IQCM: variants seen among roughly 807,000 people sequenced by gnomAD.
IQCM encodes the protein IQ motif containing M.
A neutral mutation model predicts 57.6 loss-of-function variants in IQCM; 45 were observed. The observed-to-expected ratio is 0.78, with a 90% confidence interval of 0.62 to 1.00. IQCM has a LOEUF of 1.00. Ranked by LOEUF, IQCM falls within the 50% of genes least tolerant of loss-of-function variation. The pLI, the probability that IQCM is intolerant of heterozygous loss-of-function variation, is 0.00. For missense variants in IQCM, 468 were observed against 511.6 expected, an observed-to-expected ratio of 0.91 and a Z score of 0.82; for synonymous variants, 148 against 158.9, an observed-to-expected ratio of 0.93 and a Z score of 0.51.
chr4:149,702,330 A>ACC (rs1002720141), intron 5 of IQCM, among the ~76,000 whole-genome samples: 13 of 149,922 alleles, frequency 8.7e-5, no homozygotes, highest in Non-Finnish European at 1.6e-4. Context: ...ACACACACAC[A>ACC]CCCATAGCAC....
At chr4:149,645,981 T>A (rs1052564582) in intron 7 of IQCM, among the ~76,000 whole-genome samples, 1 of 152,172 alleles carries the variant, frequency 6.6e-6, no homozygotes, top group African/African-American at 2.4e-5. Flanking sequence ...CCCAGAGGAA[T>A]ACTTCCTGCT....
chr4:149,371,512 T>C (rs1730367442), intron 13 of IQCM, among the ~76,000 whole-genome samples: 1 of 152,168 alleles, frequency 6.6e-6, no homozygotes, highest in South Asian at 2.1e-4. Context: ...AGAGTATCTA[T>C]CTTTCCAAGC....
intron 12 of IQCM, among the ~76,000 whole-genome samples, chr4:149,512,211 C>T (rs1400252520): frequency 6.6e-6 from 1 of 152,102 alleles, no homozygotes; most frequent in Admixed American, 6.5e-5. Flanking sequence ...TACTCTTATT[C>T]CATTGATCAG....
At chr4:149,750,372 G>A (rs527373053) in intron 2 of IQCM, among the ~76,000 whole-genome samples, 9 of 152,252 alleles carry the variant, frequency 5.9e-5, no homozygotes, top group East Asian at 3.9e-4. Context: ...ATAGAGTGAC[G>A]CTTTCCTTGA....
At chr4:149,402,495 G>T (rs1732686607) in intron 13 of IQCM, among the ~76,000 whole-genome samples, 1 of 151,918 alleles carries the variant, frequency 6.6e-6, no homozygotes, top group East Asian at 1.9e-4. Flanking sequence ...TCTAGGCCAT[G>T]ATCAATTATT....
At position 149,670,262 on chromosome 4, in the gene IQCM, G is replaced by A. The variant is rs182923167; in HGVS notation, c.565+11856C>T. On this transcript the variant is annotated intron_variant, in intron 7 of 13. Coordinates refer to ENST00000636793, the MANE Select transcript of IQCM (RefSeq NM_001363507.2). ...CAATTGTGAATGGGAATTCACTCAC[G>A]ATTTGGCTCTCTGTTTGTCTGTTAC... Among the ~76,000 whole-genome samples the A allele has an allele frequency of 3.7e-4, 57 of 152,198 alleles. No individual in the cohort carries two copies. The East Asian group carries it at 7.0e-3, about 19-fold the overall frequency.
At chr4:149,523,161 C>T (rs911792957) in intron 12 of IQCM, among the ~76,000 whole-genome samples, 2 of 152,086 alleles carry the variant, frequency 1.3e-5, no homozygotes, top group African/African-American at 4.8e-5. Flanking sequence ...GAAGCAAGCG[C>T]TCTCCTGTCT....
At chr4:149,599,076 T>C (rs1754033554) in intron 8 of IQCM, among the ~76,000 whole-genome samples, 3 of 152,166 alleles carry the variant, frequency 2.0e-5, no homozygotes. Context: ...GTGCTTGCCC[T>C]AGAGAAACTG....
intron 2 of IQCM, among the ~76,000 whole-genome samples, chr4:149,753,797 A>G (rs1768698496): frequency 7.9e-6 from 1 of 126,584 alleles, no homozygotes; most frequent in South Asian, 2.9e-4. Flanking sequence ...AAAGATTCCA[A>G]CATGTGTATA....
intron 5 of IQCM, among the ~76,000 whole-genome samples, chr4:149,694,327 C>T (rs1763168746): frequency 6.7e-6 from 1 of 149,122 alleles, no homozygotes. Flanking sequence ...CGGGTTCACG[C>T]CATTCTCCTG....
chr4:149,478,320 G>T (rs1740418273), intron 12 of IQCM, among the ~76,000 whole-genome samples: 1 of 152,140 alleles, frequency 6.6e-6, no homozygotes, highest in South Asian at 2.1e-4. Flanking sequence ...GTGCAAGATT[G>T]CACACACTGG....
intron 12 of IQCM, among the ~76,000 whole-genome samples, chr4:149,447,662 C>G (rs1467842384): frequency 6.6e-6 from 1 of 151,256 alleles, no homozygotes; most frequent in East Asian, 1.9e-4. Flanking sequence ...CATTAAAAAG[C>G]CTAATATATG....
chr4:149,371,380 G>A (rs539928939), intron 13 of IQCM, among the ~76,000 whole-genome samples: 3 of 152,262 alleles, frequency 2.0e-5, no homozygotes, highest in African/African-American at 7.2e-5. Context: ...TAGTACTGAG[G>A]CTGGCTCTGA....
chr4:149,782,120 G>T (rs919265930), intron 2 of IQCM, among the ~76,000 whole-genome samples: 1 of 151,758 alleles, frequency 6.6e-6, no homozygotes, highest in Non-Finnish European at 1.5e-5. Flanking sequence ...TAGTCCAGAG[G>T]GGCAAATAAG....
intron 5 of IQCM, among the ~76,000 whole-genome samples, chr4:149,705,359 A>G (rs1764079849): frequency 6.6e-6 from 1 of 151,074 alleles, no homozygotes; most frequent in Non-Finnish European, 1.5e-5. Context: ...CTATAGCATG[A>G]CAGGGTACAA....
chr4:149,544,389 A>G (rs1433751785), intron 12 of IQCM, among the ~76,000 whole-genome samples: 8 of 152,178 alleles, frequency 5.3e-5, no homozygotes, highest in African/African-American at 1.9e-4. Flanking sequence ...GAAAACCATA[A>G]GACACTGATG....
At chr4:149,716,648 A>G (rs1765028507) in intron 5 of IQCM, among the ~76,000 whole-genome samples, 1 of 152,148 alleles carries the variant, frequency 6.6e-6, no homozygotes, top group Admixed American at 6.5e-5. Flanking sequence ...GCCGCTCCAG[A>G]TGGGCTGCTG....
At chr4:149,601,117 G>T (rs1754240942) in intron 8 of IQCM, among the ~76,000 whole-genome samples, 1 of 152,132 alleles carries the variant, frequency 6.6e-6, no homozygotes, top group South Asian at 2.1e-4. Flanking sequence ...AATTTATGGA[G>T]AATCTTTTAA....
intron 13 of IQCM, among the ~76,000 whole-genome samples, chr4:149,372,361 A>G (rs946525322): frequency 8.5e-5 from 13 of 152,168 alleles, no homozygotes; most frequent in African/African-American, 3.1e-4. Context: ...TGTTTAATAT[A>G]AGGTGTTCCA....
Sources: allele counts gnomAD v4.1 joint callset (sites outside exome capture counted in the v4.1 genomes callset), GRCh38; gene constraint gnomAD v4.1.1; transcripts MANE v1.5; gene names NCBI Gene and HGNC (gene_info 2026-07-23, HGNC 2026-07-21).